MEF2A: variants seen among roughly 807,000 people sequenced by gnomAD.
MEF2A encodes myocyte-specific enhancer factor 2A.
In MEF2A, 28 loss-of-function variants were observed where a neutral mutation model predicts 55.8. The ratio of observed to expected loss-of-function variants is 0.50; its 90% CI spans 0.37 to 0.69. The LOEUF is 0.69. Ranked by LOEUF, MEF2A falls within the 30% of genes least tolerant of loss-of-function variation. The pLI is 0.00. For missense variants in MEF2A, 528 were observed against 626.2 expected, an observed-to-expected ratio of 0.84 and a Z score of 1.67; for synonymous variants, 239 against 227.1, an observed-to-expected ratio of 1.05 and a Z score of -0.47.
intron 2 of MEF2A, among the ~76,000 whole-genome samples, chr15:99,602,697 T>TGTGTGTGGGGGTGGGGA (rs1973627903): frequency 1.2e-5 from 1 of 81,542 alleles, no homozygotes; most frequent in Non-Finnish European, 2.2e-5. Context: ...TGTGTGTGTG[T>TGTGTGTGGGGGTGGGGA]GTAGGGGTGG....
intron 7 of MEF2A, 40 bp from the exon 8 acceptor site, chr15:99,690,201 T>A: frequency 6.3e-7 from 1 of 1,578,992 alleles, no homozygotes; most frequent in Non-Finnish European, 8.6e-7. Context: ...AGTATTTTAA[T>A]AACTCTTCTC....
At chr15:99,642,926 T>C (rs2045288818) in intron 3 of MEF2A, among the ~76,000 whole-genome samples, 2 of 152,198 alleles carry the variant, frequency 1.3e-5, no homozygotes, top group South Asian at 4.1e-4. Flanking sequence ...TTTTTTAGTA[T>C]TATGTATGTG....
chr15:99,654,779 A>G (rs917386871), intron 4 of MEF2A, among the ~76,000 whole-genome samples: 13 of 152,168 alleles, frequency 8.5e-5, no homozygotes, highest in African/African-American at 2.9e-4. Context: ...AGCACTATCT[A>G]ATAGAATTTG....
chr15:99,687,211 C>T (rs1597155708), intron 7 of MEF2A, among the ~76,000 whole-genome samples: 1 of 148,770 alleles, frequency 6.7e-6, no homozygotes, highest in Non-Finnish European at 1.5e-5. Context: ...CAGGCATCAG[C>T]TACCACATCT....
At chr15:99,675,826 T>C (rs775240326) in intron 7 of MEF2A, among the ~76,000 whole-genome samples, 1 of 152,136 alleles carries the variant, frequency 6.6e-6, no homozygotes, top group African/African-American at 2.4e-5. Context: ...TTGCCTGAGC[T>C]GAAGAGTTTG....
chr15:99,575,190 G>C (rs1025026925), intron 1 of MEF2A, among the ~76,000 whole-genome samples: 1 of 152,110 alleles, frequency 6.6e-6, no homozygotes, highest in South Asian at 2.1e-4. Flanking sequence ...GGGGATTCAA[G>C]AAATTTAATA....
Position 99,713,346 on chromosome 15 carries a change from G to T in MEF2A, c.*575G>T. ...TATTAAAAACAAACAAAACAAAAAA[G>T]CCCCACACATAACTGTTTTGCACGT... On this transcript the variant is annotated 3_prime_UTR_variant, in exon 12 of 12. Transcript: ENST00000557942. The T allele has an allele frequency of 4.6e-6, 1 of 215,994 alleles. No homozygotes were observed. The highest frequency in any genetic ancestry group is 8.8e-6 in the Non-Finnish European group (1 of 113,118). 13.4% of individuals were successfully genotyped at this position (215,994 alleles called of 1,614,324 possible). A position where few individuals can be genotyped will look rare whatever the true frequency, so the allele number is the denominator to read the frequency against.
At chr15:99,642,686 C>G (rs908796298) in intron 3 of MEF2A, among the ~76,000 whole-genome samples, 1 of 152,182 alleles carries the variant, frequency 6.6e-6, no homozygotes, top group African/African-American at 2.4e-5. Flanking sequence ...TTCACCTTCC[C>G]TGGCATTCTA....
intron 10 of MEF2A, among the ~76,000 whole-genome samples, chr15:99,709,624 C>G (rs1381685163): frequency 2.0e-5 from 3 of 152,210 alleles, no homozygotes; most frequent in African/African-American, 7.2e-5. Context: ...TTAAACACCT[C>G]TCTTGAGACA....
intron 11 of MEF2A, 25 bp downstream of exon 11, chr15:99,710,785 C>T (rs150263123): frequency 1.9e-6 from 3 of 1,588,172 alleles, no homozygotes; most frequent in East Asian, 4.5e-5. Context: ...GTTTTCCCTG[C>T]ATCTTTACTC....
At chr15:99,605,796 C>T (rs1414588291) in intron 2 of MEF2A, among the ~76,000 whole-genome samples, 5 of 151,976 alleles carry the variant, frequency 3.3e-5, no homozygotes, top group Admixed American at 3.3e-4. Context: ...CACAGCAAAA[C>T]CCTGTCTCTA....
intron 7 of MEF2A, chr15:99,678,917 A>G (rs1296702047): frequency 1.3e-5 from 2 of 153,218 alleles, no homozygotes; most frequent in African/African-American, 4.8e-5. Context: ...TAAGAAAAAG[A>G]AAACTCGACT....
intron 2 of MEF2A, among the ~76,000 whole-genome samples, chr15:99,606,506 G>C (rs1975177651): frequency 6.6e-6 from 1 of 152,054 alleles, no homozygotes; most frequent in Non-Finnish European, 1.5e-5. Flanking sequence ...ACATGTATCA[G>C]AATATTCAAA....
chr15:99,647,333 A>G (rs2046126688), intron 4 of MEF2A, among the ~76,000 whole-genome samples: 1 of 150,042 alleles, frequency 6.7e-6, no homozygotes, highest in African/African-American at 2.4e-5. Flanking sequence ...TGTCTCATCA[A>G]AAGTTACACT....
intron 3 of MEF2A, among the ~76,000 whole-genome samples, chr15:99,645,338 A>G (rs2045793805): frequency 6.6e-6 from 1 of 152,170 alleles, no homozygotes; most frequent in South Asian, 2.1e-4. Flanking sequence ...GGATAAGGAA[A>G]TACTTCCCCA....
intron 1 of MEF2A, among the ~76,000 whole-genome samples, chr15:99,580,275 T>G (rs1205575833): frequency 1.3e-5 from 2 of 152,264 alleles, no homozygotes; most frequent in Admixed American, 1.3e-4. Flanking sequence ...ATTGTCAACA[T>G]TCTTTGTCTT....
chr15:99,696,661 A>G (rs1242366837), intron 8 of MEF2A, among the ~76,000 whole-genome samples: 3 of 152,054 alleles, frequency 2.0e-5, no homozygotes, highest in Admixed American at 1.3e-4. Flanking sequence ...CAAATCAGTA[A>G]TCTAAGCTCT....
At chr15:99,625,217 G>A (rs2041873839) in intron 2 of MEF2A, among the ~76,000 whole-genome samples, 1 of 152,082 alleles carries the variant, frequency 6.6e-6, no homozygotes, top group Non-Finnish European at 1.5e-5. Flanking sequence ...TGATTCCATT[G>A]TAAATTGAAT....
At position 99,712,315 on chromosome 15, in the gene MEF2A, G is replaced by A. The variant is rs1287748323; in HGVS notation, c.1137-75G>A. On this transcript the variant is annotated intron_variant, in intron 11 of 11. Coordinates refer to ENST00000557942, the MANE Select transcript of MEF2A (RefSeq NM_001319206.4). This position sits in a 1 kb window ranked among gnomAD's most constrained non-coding sequence, Gnocchi z 4.1. The stretch of plus-strand genomic sequence containing the variant: ...ACTCTGGGCCCTTTTCCATCAGGCA[G>A]TGTCTCTACTGTATCATCCCAGTTT... 1.2e-5 allele frequency: 17 copies of A among 1,451,740 alleles called. No individual in the cohort carries two copies. Among genetic ancestry groups the A allele is most frequent in the East Asian group, 2.5e-5 (1 of 40,032 alleles). 89.9% of individuals were successfully genotyped at this position (1,451,740 alleles called of 1,614,324 possible). A position where few individuals can be genotyped will look rare whatever the true frequency, so the allele number is the denominator to read the frequency against.
Sources: gnomAD v4.1 joint callset for allele counts (sites outside exome capture counted in the v4.1 genomes callset) on GRCh38, gnomAD v4.1.1 for gene constraint, Gnocchi (gnomAD v3.1) non-coding constraint, MANE v1.5 for transcripts, NCBI Gene and HGNC (gene_info 2026-07-23, HGNC 2026-07-21) for gene names.